HOOK2: variants seen among roughly 807,000 people sequenced by gnomAD.
HOOK2 encodes the protein protein Hook homolog 2.
Under a neutral mutation model 111.9 loss-of-function variants are expected in HOOK2, and 108 were observed. That is an observed-to-expected ratio of 0.96 (90% CI 0.83 to 1.13). The LOEUF (loss-of-function observed/expected upper bound fraction) is 1.13, where lower values mean the gene tolerates loss of function less well. HOOK2 is among the 50% of genes most tolerant of loss of function. The probability of loss-of-function intolerance (pLI) is 0.00; values close to 1 mark genes in which losing one functional copy is unlikely to be tolerated. For synonymous variants in HOOK2, 405 were observed against 394.3 expected (o/e 1.03, Z -0.32); for missense variants, 978 against 951.3 (o/e 1.03, Z -0.37).
At position 12,774,811 on chromosome 19, in the gene HOOK2, C is replaced by A. The variant is rs1420802339; in HGVS notation, c.131+1G>T. On this transcript the variant is annotated splice_donor_variant, in intron 2 of 22. Transcript: ENST00000397668. LOFTEE classifies it high-confidence loss of function. ...GGATCCTCCCCTTCAGCTCCACTCA[C>A]ATCTGGTTCAGCACATAGGCTACGG... is the stretch of plus-strand genomic sequence containing the variant. 6.2e-7 allele frequency: 1 copy of A among 1,614,096 alleles called. No individual in the cohort carries two copies. The highest frequency in any genetic ancestry group is 1.1e-5 in the South Asian group (1 of 91,074).
Position 12,773,309 on chromosome 19 carries a change from G to T in HOOK2, c.205-265C>A. The T allele has an allele frequency of 6.7e-6, 3 of 444,900 alleles. No individual in the cohort carries two copies. In the South Asian group the frequency reaches 7.2e-5, roughly 11 times the overall value. 27.6% of individuals were successfully genotyped at this position (444,900 alleles called of 1,614,324 possible). ...CTGTCACCCAGGCTGGAGTGCAGTG[G>T]TGCAATCTTGGCTCACTGCAGCCTC... On this transcript the variant is annotated intron_variant, in intron 3 of 22. Coordinates refer to ENST00000397668, the MANE Select transcript of HOOK2 (RefSeq NM_013312.3).
chr19:12,780,379 C>A (rs571804203), upstream of HOOK2, among the ~76,000 whole-genome samples: 1 of 151,676 alleles, frequency 6.6e-6, no homozygotes, highest in Non-Finnish European at 1.5e-5. Context: ...TTTTTTGAGA[C>A]GGAGTCTCAC....
In HOOK2 at chr19:12,769,871, C is replaced by T; in HGVS notation, c.1104+10G>A. 6 of 1,423,412 alleles carry T rather than the reference C, an allele frequency of 4.2e-6. No homozygotes were observed. Among genetic ancestry groups the T allele is most frequent in the Non-Finnish European group, 5.5e-6 (6 of 1,098,716 alleles). 88.2% of individuals were successfully genotyped at this position (1,423,412 alleles called of 1,614,324 possible). A position where few individuals can be genotyped will look rare whatever the true frequency, so the allele number is the denominator to read the frequency against. On this transcript the variant is annotated intron_variant, in intron 11 of 22. Transcript: ENST00000397668. ...GCGGGGCCCCGGCCCTAACCCCGCC[C>T]CCGCCGCACCTGCCGCCGCTGCGCC...
At chr19:12,777,819 G>A (rs1306627028), upstream of HOOK2, among the ~76,000 whole-genome samples, 1 of 152,274 alleles carries the variant, frequency 6.6e-6, no homozygotes, top group Non-Finnish European at 1.5e-5. Context: ...GCGGTGGAGC[G>A]GGGGTCAATG....
rs1968102040 is a variant in HOOK2, at chr19:12,764,870, C to T, written c.1771G>A (p.Ala591Thr). 6.2e-7 allele frequency: 1 copy of T among 1,614,138 alleles called. No individual in the cohort carries two copies. Among genetic ancestry groups the T allele is most frequent in the Non-Finnish European group, 8.5e-7 (1 of 1,180,042 alleles). The change falls in exon 20 of 23, where the codon GCG becomes ACG. Residue 591 changes from alanine (A) to threonine (T), a missense_variant. Physicochemically the swap from Ala to Thr is moderately conservative, Grantham distance 58 (BLOSUM62 0). Transcript: ENST00000397668. ...CGCTCCTCCATGGCCCGCAAGTCCG[C>T]GTCCTTCTTCTGCAAGTTATGCTGC... The part of the protein sequence containing the change: ...ELQHNLQKKD[A>T]DLRAMEERYR...
chr19:12,785,702 G>A (rs973085813), intron 3 of HOOK2, among the ~76,000 whole-genome samples: 2 of 152,118 alleles, frequency 1.3e-5, no homozygotes, highest in African/African-American at 4.8e-5. Context: ...TGTCAGGGTT[G>A]GACCAGCACA....
chr19:12,773,099 G>T, intron 3 of HOOK2, 55 bp from the exon 4 acceptor site: 1 of 1,536,974 alleles, frequency 6.5e-7, no homozygotes, highest in Non-Finnish European at 9.0e-7. Flanking sequence ...CTCTGAATCT[G>T]TAGGTCCCAT....
At chr19:12,777,636 C>G (rs28468610), upstream of HOOK2, among the ~76,000 whole-genome samples, 18,227 of 152,282 alleles carry the variant, frequency 0.12, 2,430 homozygotes, top group African/African-American at 0.33. Context: ...CCGTCTTCCA[C>G]GATATTCCCC....
chr19:12,787,300 G>C (rs938161263), intron 3 of HOOK2: 1 of 152,094 alleles, frequency 6.6e-6, no homozygotes, highest in Non-Finnish European at 1.5e-5. Context: ...TTGTAGAGAT[G>C]GGGGTCTTGC....
In HOOK2 at chr19:12,768,140, G is replaced by C; in HGVS notation, c.1105-17C>G. The C allele has an allele frequency of 6.2e-7, 1 of 1,605,674 alleles. No individual in the cohort carries two copies. On this transcript the variant is annotated splice_polypyrimidine_tract_variant and intron_variant, in intron 11 of 22. Transcript: ENST00000397668. ...TTCCTGCACCTGAACACAGAGAGGG[G>C]AGGAATAAGGACAGCAGGGCTGGGA... is the stretch of plus-strand genomic sequence containing the variant.
At chr19:12,771,105 G>A (rs1220456310) in intron 9 of HOOK2, 33 bp from the exon 10 acceptor site, 1 of 1,611,310 alleles carries the variant, frequency 6.2e-7, no homozygotes, top group African/African-American at 1.3e-5. Context: ...ACATGAGGGG[G>A]CTGCCCTCCC....
chr19:12,773,330 G>A (rs562873694), intron 3 of HOOK2: 1 of 381,088 alleles, frequency 2.6e-6, no homozygotes, highest in African/African-American at 2.1e-5. Context: ...GCTCACTGCA[G>A]CCTCGACCTC....
chr19:12,775,718 C>T, upstream of HOOK2: 2 of 354,328 alleles, frequency 5.6e-6, no homozygotes, highest in East Asian at 4.7e-5. Context: ...AGGGGTCAGC[C>T]TGGCCCAGCC....
At position 12,768,209 on chromosome 19, in the gene HOOK2, C is replaced by CTTTGACTTATTATTTT. The variant is rs1319358936; in HGVS notation, c.1105-102_1105-87dup. On this transcript the variant is annotated intron_variant, in intron 11 of 22. Coordinates refer to ENST00000397668, the MANE Select transcript of HOOK2 (RefSeq NM_013312.3). ...TACAAATGGTCCCCGATCCAGGATG[C>CTTTGACTTATTATTTT]TTTGACTTATTATTTTTTTGACTTT... 11 of 1,082,750 alleles carry CTTTGACTTATTATTTT rather than the reference C, an allele frequency of 1.0e-5. No individual in the cohort carries two copies. The East Asian group carries it at 1.7e-4, about 16-fold the overall frequency. The allele number at this position is 1,082,750 out of a possible 1,614,324, so 67.1% of individuals were successfully genotyped here.
In HOOK2 at chr19:12,763,766, T is replaced by C. The variant is rs1180075268; in HGVS notation, c.1840A>G (p.Met614Val). Residue 614 changes from methionine (M) to valine (V), a missense_variant, in exon 21 of 23, where the codon ATG becomes GTG. Met to Val is a conservative substitution (Grantham distance 21). Coordinates refer to ENST00000397668, the MANE Select transcript of HOOK2 (RefSeq NM_013312.3). ...VDKARMVMQT[M>V]EPKQRPAAGA... ...GCAGCTGGCCGCTGCTTGGGTTCCA[T>C]GGTCTGCATGACCTACAGGTTGAGG... 4 of 1,614,064 alleles carry C rather than the reference T, an allele frequency of 2.5e-6. No homozygotes were observed. The highest frequency in any genetic ancestry group is 3.4e-6 in the Non-Finnish European group (4 of 1,179,946).
chr19:12,768,908 G>A (rs926371436), intron 11 of HOOK2, among the ~76,000 whole-genome samples: 2 of 150,688 alleles, frequency 1.3e-5, no homozygotes, highest in African/African-American at 4.9e-5. Flanking sequence ...AGCTATTCTC[G>A]TGCTTCAGCT....
At chr19:12,770,144 G>A in intron 10 of HOOK2, 62 bp from the exon 11 acceptor site, 3 of 1,368,044 alleles carry the variant, frequency 2.2e-6, no homozygotes, top group Non-Finnish European at 2.9e-6. Context: ...GCTGGGATGT[G>A]GAGTGGCCCT....
chr19:12,768,157 G>A, intron 11 of HOOK2, 34 bp from the exon 12 acceptor site: 4 of 1,580,326 alleles, frequency 2.5e-6, no homozygotes, highest in Non-Finnish European at 3.5e-6. Context: ...AAGGACAGCA[G>A]GGCTGGGAGC....
chr19:12,769,127 G>A (rs1457011942), intron 11 of HOOK2, among the ~76,000 whole-genome samples: 8 of 151,830 alleles, frequency 5.3e-5, no homozygotes, highest in African/African-American at 1.9e-4. Flanking sequence ...CACCACGCCC[G>A]GCTAATTTTT....
Sources: allele counts gnomAD v4.1 joint callset (sites outside exome capture counted in the v4.1 genomes callset), GRCh38; gene constraint gnomAD v4.1.1; transcripts MANE v1.5; gene names NCBI Gene and HGNC (gene_info 2026-07-23, HGNC 2026-07-21).